The following FXN variants were observed in gnomAD, a reference collection of about 807,000 sequenced individuals.
FXN encodes frataxin, mitochondrial.
A neutral mutation model predicts 22.4 loss-of-function variants in FXN; 14 were observed. The ratio of observed to expected loss-of-function variants is 0.62; its 90% CI spans 0.41 to 0.98. The LOEUF (loss-of-function observed/expected upper bound fraction) is 0.98. Among genes scored for constraint, FXN ranks in the 50% least tolerant of loss-of-function variants. The pLI is 0.00. For missense variants in FXN, 267 were observed against 268.4 expected, an observed-to-expected ratio of 0.99 and a Z score of 0.04; for synonymous variants, 120 against 114.1, an observed-to-expected ratio of 1.05 and a Z score of -0.33.
chr9:69,054,451 C>A (rs1478040518), intron 3 of FXN, among the ~76,000 whole-genome samples: 1 of 152,150 alleles, frequency 6.6e-6, no homozygotes, highest in Non-Finnish European at 1.5e-5. Flanking sequence ...TAAAGTAGTT[C>A]TTTTTTGCCA....
chr9:69,064,038 T>C (rs1832122913), intron 3 of FXN, among the ~76,000 whole-genome samples: 1 of 152,142 alleles, frequency 6.6e-6, no homozygotes, highest in African/African-American at 2.4e-5. Context: ...AGCCTCTCGA[T>C]TGGATGGAGG....
rs551390452 is a variant in FXN at position 69,060,232 on chromosome 9, G to A, written c.385-4706G>A. 1.1e-3 allele frequency among the ~76,000 whole-genome samples: 171 copies of A among 152,216 alleles called. 1 individual carries two copies. Among genetic ancestry groups the A allele is most frequent in the East Asian group, 5.8e-4 (3 of 5,180 alleles). Reference sequence around the variant, plus strand: ...AAAAATACAAAAAAATTAGCTGGGCGTGGTGGTGGGCGCCTGTAGTCCCAG... The same window carrying A: ...AAAAATACAAAAAAATTAGCTGGGCATGGTGGTGGGCGCCTGTAGTCCCAG... On this transcript the variant is annotated intron_variant, in intron 3 of 4. Transcript: ENST00000484259.
intron 1 of FXN, chr9:69,043,582 A>G (rs1831694911): frequency 6.6e-6 from 1 of 151,458 alleles, no homozygotes; most frequent in Non-Finnish European, 1.5e-5. Context: ...CCACACCCAG[A>G]TAATGTTTTT....
At chr9:69,058,992 T>C (rs1426791335) in intron 3 of FXN, among the ~76,000 whole-genome samples, 1 of 151,860 alleles carries the variant, frequency 6.6e-6, no homozygotes, top group Non-Finnish European at 1.5e-5. Context: ...GGTGTGAACC[T>C]GGGAGGCGGA....
Position 69,076,906 on chromosome 9 carries a change from T to C in FXN, c.*4144T>C, listed in dbSNP as rs1325120527. ...AACGACGAGTTCATGACTTTGTGTA[T>C]AGAGTAAGAAATGCCTTTTCTTTTT... On this transcript the variant is annotated 3_prime_UTR_variant, in exon 5 of 5. Coordinates refer to ENST00000484259, the MANE Select transcript of FXN (RefSeq NM_000144.5). The C allele has an allele frequency of 7.1e-6, 7 of 985,282 alleles. No individual in the cohort carries two copies. The highest frequency in any genetic ancestry group is 9.4e-5 in the South Asian group (2 of 21,286). 61.0% of individuals were successfully genotyped at this position (985,282 alleles called of 1,614,324 possible).
intron 3 of FXN, among the ~76,000 whole-genome samples, chr9:69,060,882 A>C (rs944356491): frequency 6.6e-6 from 1 of 152,234 alleles, no homozygotes; most frequent in Admixed American, 6.5e-5. Flanking sequence ...GAAAAGACAG[A>C]TCTCCTGCTG....
rs746636178 is a variant in FXN, at chr9:69,053,135, T to C, written c.264-5T>C. On this transcript the variant is annotated splice_region_variant and splice_polypyrimidine_tract_variant and intron_variant, in intron 2 of 4. Coordinates refer to ENST00000484259, the MANE Select transcript of FXN (RefSeq NM_000144.5). ...CATGTTTTGGGTTTTGTGCTTCCTC[T>C]GCAGCTCTCTAGATGAGACCACCTA... The C allele has an allele frequency of 1.2e-6, 2 of 1,613,896 alleles. No homozygotes were observed. The highest frequency in any genetic ancestry group is 2.2e-5 in the South Asian group (2 of 91,062).
chr9:69,052,753 AG>A (rs1024760894), intron 2 of FXN, among the ~76,000 whole-genome samples: 44 of 151,868 alleles, frequency 2.9e-4, no homozygotes, highest in Non-Finnish European at 1.5e-4. Flanking sequence ...CATGTTAGCC[AG>A]GATGGTCTCG....
At chr9:69,043,552 G>A (rs182656665) in intron 1 of FXN, 1 of 152,192 alleles carries the variant, frequency 6.6e-6, no homozygotes, top group Non-Finnish European at 1.5e-5. Flanking sequence ...CTGAGTAGCT[G>A]GGACTACAGG....
chr9:69,075,893 TG>T lies in FXN; in HGVS notation c.*3135del, dbSNP rs539089856. The T allele has an allele frequency of 3.7e-5, 21 of 564,296 alleles. No individual in the cohort carries two copies. The highest frequency in any genetic ancestry group is 4.7e-5 in the Non-Finnish European group (21 of 446,130). The allele number at this position is 564,296 out of a possible 1,614,324, so 35.0% of individuals were successfully genotyped here. On this transcript the variant is annotated 3_prime_UTR_variant, in exon 5 of 5. Coordinates refer to ENST00000484259, the MANE Select transcript of FXN (RefSeq NM_000144.5). Reference sequence around the variant, plus strand: ...CTAATTTGTGTATTTTTTGTAGAGATGGGGTTTCACCATGTTGCCCAGGCTG... The same window carrying T: ...CTAATTTGTGTATTTTTTGTAGAGATGGGTTTCACCATGTTGCCCAGGCTG...
chr9:69,045,303 C>G (rs934014231), intron 1 of FXN, among the ~76,000 whole-genome samples: 1 of 152,002 alleles, frequency 6.6e-6, no homozygotes, highest in African/African-American at 2.4e-5. Flanking sequence ...AGAAATATTC[C>G]TAAAATACTT....
At chr9:69,039,503 C>T (rs766917058) in intron 1 of FXN, among the ~76,000 whole-genome samples, 2 of 128,178 alleles carry the variant, frequency 1.6e-5, no homozygotes, top group African/African-American at 2.6e-5. Flanking sequence ...GCCCCACAGC[C>T]CCCAGCCCCA....
At chr9:69,058,822 A>G (rs1031626441) in intron 3 of FXN, among the ~76,000 whole-genome samples, 5 of 152,260 alleles carry the variant, frequency 3.3e-5, no homozygotes, top group African/African-American at 9.6e-5. Flanking sequence ...TAATCCCAGC[A>G]CTTTGGGAGG....
rs1832311637 is a variant in FXN, at chr9:69,073,516, G to A, written c.*754G>A. 1 of 985,396 alleles carries A rather than the reference G, an allele frequency of 1.0e-6. No individual in the cohort carries two copies. The highest frequency in any genetic ancestry group is 1.7e-5 in the African/African-American group (1 of 57,236). The allele number at this position is 985,396 out of a possible 1,614,324, so 61.0% of individuals were successfully genotyped here. Reference sequence around the variant, plus strand: ...AAAAAAAGCCGTTTTCATGAGCTGAGTGATGTAGCGTAACAAACAAAATCA... The same window carrying A: ...AAAAAAAGCCGTTTTCATGAGCTGAATGATGTAGCGTAACAAACAAAATCA... On this transcript the variant is annotated 3_prime_UTR_variant, in exon 5 of 5. Coordinates refer to ENST00000484259, the MANE Select transcript of FXN (RefSeq NM_000144.5).
chr9:69,036,716 A>G (rs1831557252), intron 1 of FXN, among the ~76,000 whole-genome samples: 1 of 152,228 alleles, frequency 6.6e-6, no homozygotes, highest in South Asian at 2.1e-4. Flanking sequence ...AGAACTTCAA[A>G]TTAGTTCCCC....
chr9:69,047,438 C>T (rs537785443), intron 2 of FXN, among the ~76,000 whole-genome samples: 3 of 152,294 alleles, frequency 2.0e-5, no homozygotes, highest in Admixed American at 2.0e-4. Context: ...AGGCACAGCA[C>T]TAGCTGCCCG....
chr9:69,064,973 A>G lies in FXN; in HGVS notation c.420A>G (p.Leu140=). ...GVLTVKLGGD[L]GTYVINKQTP... ...TAACTGTCAAACTGGGTGGAGATCT[A>G]GGAACCTATGTGATCAACAAGCAGA... Residue 140 remains leucine, a synonymous_variant, in exon 4 of 5, where the codon CTA becomes CTG. Coordinates refer to ENST00000484259, the MANE Select transcript of FXN (RefSeq NM_000144.5). 6.2e-7 allele frequency: 1 copy of G among 1,613,530 alleles called. No individual in the cohort carries two copies. The highest frequency in any genetic ancestry group is 1.7e-5 in the Admixed American group (1 of 59,976).
chr9:69,074,101 C>A lies in FXN; in HGVS notation c.*1339C>A. 1 of 391,956 alleles carries A rather than the reference C, an allele frequency of 2.6e-6. No individual in the cohort carries two copies. The highest frequency in any genetic ancestry group is 3.5e-6 in the Non-Finnish European group (1 of 287,880). The allele number at this position is 391,956 out of a possible 1,614,324, so 24.3% of individuals were successfully genotyped here. ...TTGGGAGGCTGAAGCGGAAGAATCGCTTGAACCCAGAGGTGGAGGTTGCAG... is the reference window on the plus strand; with the variant it reads ...TTGGGAGGCTGAAGCGGAAGAATCGATTGAACCCAGAGGTGGAGGTTGCAG... On this transcript the variant is annotated 3_prime_UTR_variant, in exon 5 of 5. Coordinates refer to ENST00000484259, the MANE Select transcript of FXN (RefSeq NM_000144.5).
chr9:69,068,941 A>G (rs551827466), intron 4 of FXN, among the ~76,000 whole-genome samples: 1 of 152,222 alleles, frequency 6.6e-6, no homozygotes, highest in Non-Finnish European at 1.5e-5. Flanking sequence ...TGCGTCCTGC[A>G]TGCTTCACAG....
Sources: allele counts gnomAD v4.1 joint callset (sites outside exome capture counted in the v4.1 genomes callset), GRCh38; gene constraint gnomAD v4.1.1; transcripts MANE v1.5; gene names NCBI Gene and HGNC (gene_info 2026-07-23, HGNC 2026-07-21).